The following RBM41 variants were observed in gnomAD, a reference collection of about 807,000 sequenced individuals.
The protein encoded by RBM41 is RNA-binding protein 41.
Under a neutral mutation model 30.8 loss-of-function variants are expected in RBM41, and 14 were observed. The observed-to-expected ratio is 0.45, with a 90% CI of 0.30 to 0.71. The LOEUF (loss-of-function observed/expected upper bound fraction) is 0.71, where lower values mean the gene tolerates loss of function less well. Among genes scored for constraint, RBM41 ranks in the 30% least tolerant of loss-of-function variants. The pLI is 0.08. For missense variants in RBM41, 276 were observed against 326.3 expected, an observed-to-expected ratio of 0.85 and a Z score of 1.19; for synonymous variants, 120 against 110.1, an observed-to-expected ratio of 1.09 and a Z score of -0.56.
chrX:107,077,671 A>G (rs1166508298), intron 6 of RBM41, among the ~76,000 whole-genome samples: 1 of 110,728 alleles, frequency 9.0e-6, no homozygotes, highest in Non-Finnish European at 1.9e-5. Flanking sequence ...CAGTGCCTCC[A>G]AGTCATAATA....
At chrX:107,116,444 A>C (rs755995829) in intron 2 of RBM41, among the ~76,000 whole-genome samples, 8 of 112,029 alleles carry the variant, frequency 7.1e-5, no homozygotes, top group Non-Finnish European at 1.3e-4. Flanking sequence ...CTGTAGGAGG[A>C]CATAAAATAG....
chrX:107,070,822 G>A (rs1355699225), intron 6 of RBM41, among the ~76,000 whole-genome samples: 1 of 110,420 alleles, frequency 9.1e-6, no homozygotes, highest in Non-Finnish European at 1.9e-5. Context: ...AGGAGTTTGA[G>A]ATCAGTCTGG....
downstream of RBM41, among the ~76,000 whole-genome samples, chrX:107,061,120 T>C (rs1307794743): frequency 9.0e-6 from 1 of 111,348 alleles, no homozygotes; most frequent in Admixed American, 9.6e-5. Context: ...AATAAGGAGA[T>C]AACAAAATGC....
At chrX:107,088,046 G>A (rs1922197705) in intron 6 of RBM41, among the ~76,000 whole-genome samples, 2 of 112,137 alleles carry the variant, frequency 1.8e-5, no homozygotes, top group Admixed American at 1.9e-4. Flanking sequence ...CTCACGACCA[G>A]GCAGTCAATT....
At chrX:107,108,202 T>C (rs1279029921) in intron 5 of RBM41, among the ~76,000 whole-genome samples, 2 of 111,682 alleles carry the variant, frequency 1.8e-5, no homozygotes, top group Non-Finnish European at 3.8e-5. Flanking sequence ...AATTTCATTT[T>C]CTGTAAATTG....
rs189242424 is a variant in RBM41 at position 107,063,526 on chromosome X, T to A, written c.*4001A>T. Among the ~76,000 whole-genome samples the A allele has an allele frequency of 7.4e-4, 83 of 112,592 alleles. No individual in the cohort carries two copies. The highest frequency in any genetic ancestry group is 3.8e-4 in the Admixed American group (4 of 10,663). On this transcript the variant is annotated 3_prime_UTR_variant, in exon 8 of 8. Coordinates refer to ENST00000685964, the MANE Select transcript of RBM41 (RefSeq NM_001324242.2). Reference sequence around the variant, plus strand: ...TATCTTTTCAAAAACTCATTTAACCTATTTACTTGATATAGGTTTATTCAA... The same window carrying A: ...TATCTTTTCAAAAACTCATTTAACCAATTTACTTGATATAGGTTTATTCAA...
chrX:107,066,671 C>G lies in RBM41; in HGVS notation c.*856G>C, dbSNP rs1999003. ...GACTCCAGTTTGTACTACTTCCTCT[C>G]TGTATATTGTTTTTTTATTTTCCAG... On this transcript the variant is annotated 3_prime_UTR_variant, in exon 8 of 8. Coordinates refer to ENST00000685964, the MANE Select transcript of RBM41 (RefSeq NM_001324242.2). 0.2 allele frequency: 144,364 copies of G among 738,692 alleles called. 12,846 individuals carry two copies. Among genetic ancestry groups the G allele is most frequent in the African/African-American group, 0.55 (23,027 of 42,226 alleles). 60.9% of individuals were successfully genotyped at this position (738,692 alleles called of 1,213,427 possible). A position where few individuals can be genotyped will look rare whatever the true frequency, so the allele number is the denominator to read the frequency against.
intron 6 of RBM41, among the ~76,000 whole-genome samples, chrX:107,070,662 G>C (rs1936022471): frequency 9.0e-6 from 1 of 111,233 alleles, no homozygotes; most frequent in Non-Finnish European, 1.9e-5. Flanking sequence ...AAAGGAAATA[G>C]GAAAAAACTT....
chrX:107,067,680 T>G lies in RBM41; in HGVS notation c.1161A>C (p.Ala387=). 1 of 1,204,707 alleles carries G rather than the reference T, an allele frequency of 8.3e-7. No homozygotes were observed. Among genetic ancestry groups the G allele is most frequent in the East Asian group, 3.0e-5 (1 of 33,787 alleles). ...CATTTACTAGATGCAATGCTTGCCA[T>G]GCTATCTCCTTATCTAAAAGAGAAA... ...AFITFPNKEI[A]WQALHLVNGY... Residue 387 remains alanine (A), a synonymous_variant, in exon 8 of 8, where the codon GCA becomes GCC. Coordinates refer to ENST00000685964, the MANE Select transcript of RBM41 (RefSeq NM_001324242.2).
At chrX:107,108,944 T>G (rs897898749) in intron 5 of RBM41, among the ~76,000 whole-genome samples, 1 of 111,879 alleles carries the variant, frequency 8.9e-6, no homozygotes, top group African/African-American at 3.2e-5. Flanking sequence ...GTAATTGGTA[T>G]GACAATTACA....
intron 6 of RBM41, among the ~76,000 whole-genome samples, chrX:107,083,788 T>A (rs767226304): frequency 9.0e-6 from 1 of 111,462 alleles, no homozygotes; most frequent in South Asian, 3.7e-4. Context: ...AGCCATCTGG[T>A]CTTGCATGTT....
chrX:107,058,278 A>C (rs1292260203), downstream of RBM41, among the ~76,000 whole-genome samples: 1 of 93,374 alleles, frequency 1.1e-5, no homozygotes, highest in Admixed American at 1.2e-4. Flanking sequence ...GGGCAACAAG[A>C]GCAAAACTCC....
At chrX:107,077,830 T>C (rs1397391058) in intron 6 of RBM41, among the ~76,000 whole-genome samples, 3 of 111,694 alleles carry the variant, frequency 2.7e-5, no homozygotes, top group African/African-American at 6.5e-5. Flanking sequence ...ATTTTAATTT[T>C]AGAACAGTTT....
intron 6 of RBM41, among the ~76,000 whole-genome samples, chrX:107,081,856 G>C: frequency 8.9e-6 from 1 of 111,907 alleles, no homozygotes; most frequent in Middle Eastern, 4.7e-3. Flanking sequence ...GATAAACCTT[G>C]TAACCTCCAA....
chrX:107,087,982 G>A (rs1312883835), intron 6 of RBM41, among the ~76,000 whole-genome samples: 1 of 111,937 alleles, frequency 8.9e-6, no homozygotes, highest in Admixed American at 9.5e-5. Flanking sequence ...TATGTCATAT[G>A]ACAGCCAGGT....
Position 107,118,763 on chromosome X carries a change from T to C in RBM41, c.8+3A>G. On this transcript the variant is annotated splice_donor_region_variant and intron_variant, in intron 1 of 7. Coordinates refer to ENST00000685964, the MANE Select transcript of RBM41 (RefSeq NM_001324242.2). ...GCCGCCTGCTCTTCAGACAAGTCCT[T>C]ACCTCTTCATGTTTCCACAGGCCCC... 2 of 1,211,724 alleles carry C rather than the reference T, an allele frequency of 1.7e-6. No homozygotes were observed. Among genetic ancestry groups the C allele is most frequent in the Non-Finnish European group, 2.2e-6 (2 of 895,452 alleles).
chrX:107,080,400 G>A (rs1352209365), intron 6 of RBM41, among the ~76,000 whole-genome samples: 3 of 111,099 alleles, frequency 2.7e-5, no homozygotes, highest in Non-Finnish European at 5.7e-5. Context: ...CCAATATGGC[G>A]AAACCCCATC....
chrX:107,104,262 T>C (rs946460848), intron 5 of RBM41, among the ~76,000 whole-genome samples: 1 of 111,758 alleles, frequency 8.9e-6, no homozygotes. Flanking sequence ...ACAGTATACA[T>C]GCTGAAGTAT....
intron 6 of RBM41, among the ~76,000 whole-genome samples, chrX:107,082,244 T>C (rs1602566868): frequency 8.9e-6 from 1 of 111,831 alleles, no homozygotes; most frequent in Admixed American, 9.5e-5. Context: ...ATTTCAAATG[T>C]TTTTCTACAT....
Sources: allele counts gnomAD v4.1 joint callset (sites outside exome capture counted in the v4.1 genomes callset), GRCh38; gene constraint gnomAD v4.1.1; transcripts MANE v1.5; gene names NCBI Gene and HGNC (gene_info 2026-07-23, HGNC 2026-07-21).